ACKR3: variants seen among roughly 807,000 people sequenced by gnomAD.
ACKR3 encodes C-X-C chemokine receptor type 7.
Under a neutral mutation model 22.4 loss-of-function variants are expected in ACKR3, and 6 were observed. That is an observed-to-expected ratio of 0.27 (90% CI 0.15 to 0.53). ACKR3 has a LOEUF of 0.53. Ranked by LOEUF, ACKR3 falls within the 20% of genes least tolerant of loss-of-function variation. The probability of loss-of-function intolerance (pLI) is 0.96; values close to 1 mark genes in which losing one functional copy is unlikely to be tolerated. For synonymous variants in ACKR3, 209 were observed against 205.2 expected, an observed-to-expected ratio of 1.02 and a Z score of -0.16; for missense variants, 396 against 475.2, an observed-to-expected ratio of 0.83 and a Z score of 1.55.
chr2:236,562,331 T>C, the ACKR3 span, among the ~76,000 whole-genome samples: 1 of 152,310 alleles, frequency 6.6e-6, no homozygotes, highest in Non-Finnish European at 1.5e-5. Flanking sequence ...CGTACATATG[T>C]TGGATTTGCT....
the ACKR3 span, among the ~76,000 whole-genome samples, chr2:236,555,157 G>T: frequency 6.6e-6 from 1 of 151,856 alleles, no homozygotes; most frequent in South Asian, 2.1e-4. Flanking sequence ...AAATAATGAG[G>T]TCTCACCTGA....
chr2:236,570,656 G>A (rs919360258), intron 1 of ACKR3, among the ~76,000 whole-genome samples: 16 of 152,142 alleles, frequency 1.1e-4, no homozygotes, highest in Non-Finnish European at 1.9e-4. Context: ...CTACTATTTT[G>A]CAATTTAAAT....
chr2:236,540,963 C>T, the ACKR3 span, among the ~76,000 whole-genome samples: 1 of 152,184 alleles, frequency 6.6e-6, no homozygotes, highest in Non-Finnish European at 1.5e-5. Flanking sequence ...CTGGCAGAAT[C>T]CAAGCCAAGA....
the ACKR3 span, among the ~76,000 whole-genome samples, chr2:236,539,023 A>G: frequency 1.3e-5 from 2 of 152,146 alleles, no homozygotes; most frequent in African/African-American, 2.4e-5. Context: ...ATGATGCAGT[A>G]TGCCTTCTTT....
chr2:236,579,560 C>G (rs1484855344), intron 1 of ACKR3, among the ~76,000 whole-genome samples: 2 of 152,178 alleles, frequency 1.3e-5, no homozygotes, highest in African/African-American at 2.4e-5. Context: ...GAGTGTTGGT[C>G]TCACCTCAGG....
the ACKR3 span, among the ~76,000 whole-genome samples, chr2:236,551,978 T>C: frequency 6.6e-6 from 1 of 152,148 alleles, no homozygotes; most frequent in South Asian, 2.1e-4. Flanking sequence ...CCTCGTGGCT[T>C]GGTGACCCTC....
At chr2:236,556,059 G>T in the ACKR3 span, among the ~76,000 whole-genome samples, 1 of 152,182 alleles carries the variant, frequency 6.6e-6, no homozygotes, top group Non-Finnish European at 1.5e-5. Flanking sequence ...GGCTCAGAGT[G>T]GGGTGAGGAG....
In ACKR3 at chr2:236,581,773, C is replaced by T. The variant is rs1267679905; in HGVS notation, c.*219C>T. 9 of 552,976 alleles carry T rather than the reference C, an allele frequency of 1.6e-5. No individual in the cohort carries two copies. Among genetic ancestry groups the T allele is most frequent in the East Asian group, 6.4e-5 (2 of 31,208 alleles). 34.3% of individuals were successfully genotyped at this position (552,976 alleles called of 1,614,324 possible). On this transcript the variant is annotated 3_prime_UTR_variant, in exon 2 of 2. Coordinates refer to ENST00000272928, the MANE Select transcript of ACKR3 (RefSeq NM_020311.3). The surrounding 1 kb of genome is among the most constrained non-coding windows in gnomAD (Gnocchi z 4.4). Reference sequence around the variant, plus strand: ...AGTTTTGCAACAGGCAGAGCTGTGTCGCACAGCAGTGCTGTGCGTCAGAGC... The same window carrying T: ...AGTTTTGCAACAGGCAGAGCTGTGTTGCACAGCAGTGCTGTGCGTCAGAGC...
upstream of ACKR3, among the ~76,000 whole-genome samples, chr2:236,563,446 A>G (rs756433220): frequency 6.6e-6 from 1 of 152,104 alleles, no homozygotes; most frequent in Admixed American, 6.5e-5. Flanking sequence ...CCACGAAAAA[A>G]TAGGATAAGA....
At chr2:236,558,451 T>A in the ACKR3 span, among the ~76,000 whole-genome samples, 1 of 152,164 alleles carries the variant, frequency 6.6e-6, no homozygotes, top group Non-Finnish European at 1.5e-5. Context: ...TTTTTCTAGT[T>A]TTGGCCTGTT....
chr2:236,538,133 T>C, the ACKR3 span, among the ~76,000 whole-genome samples: 2 of 152,164 alleles, frequency 1.3e-5, 1 homozygote, highest in South Asian at 4.1e-4. Flanking sequence ...GCCAGATCCT[T>C]TCCTTGGGCA....
upstream of ACKR3, among the ~76,000 whole-genome samples, chr2:236,566,960 TTC>T (rs1310058001): frequency 7.3e-5 from 11 of 150,854 alleles, no homozygotes; most frequent in Middle Eastern, 3.2e-3. Flanking sequence ...CCTTCCTTCC[TTC>T]CTTCCTTCTT....
chr2:236,581,482 G>T lies in ACKR3; in HGVS notation c.1017G>T (p.Gly339=), dbSNP rs747606252. ...AFIFKYSAKT[G]LTKLIDASRV... ...TCTTCAAGTACTCGGCCAAAACAGG[G>T]CTCACCAAGCTCATCGATGCCTCCA... Residue 339 remains glycine (G), a synonymous_variant, in exon 2 of 2, where the codon GGG becomes GGT. Coordinates refer to ENST00000272928, the MANE Select transcript of ACKR3 (RefSeq NM_020311.3). The surrounding 1 kb of genome is among the most constrained non-coding windows in gnomAD (Gnocchi z 4.4). The T allele has an allele frequency of 3.1e-6, 5 of 1,614,186 alleles. No individual in the cohort carries two copies. The Admixed American group carries it at 8.3e-5, about 27-fold the overall frequency.
rs1691502599 is a variant in ACKR3 at position 236,580,657 on chromosome 2, G to A, written c.192G>A (p.Val64=). 1.2e-6 allele frequency: 2 copies of A among 1,614,076 alleles called. No individual in the cohort carries two copies. The highest frequency in any genetic ancestry group is 8.5e-7 in the Non-Finnish European group (1 of 1,179,988). The change falls in exon 2 of 2, where the codon GTG becomes GTA. Residue 64 remains valine (V), a synonymous_variant. Transcript: ENST00000272928. The part of the protein sequence containing the change: ...IFVIGMIANS[V]VVWVNIQAKT... ...TCATCGGCATGATTGCCAACTCCGT[G>A]GTGGTCTGGGTGAATATCCAGGCCA... is the stretch of plus-strand genomic sequence containing the variant.
Position 236,571,315 on chromosome 2 carries a change from G to A in ACKR3, c.-27+1391G>A, listed in dbSNP as rs970627190. Among the ~76,000 whole-genome samples, 5 of 152,276 alleles carry A rather than the reference G, an allele frequency of 3.3e-5. No individual in the cohort carries two copies. The South Asian group carries it at 1.0e-3, about 32-fold the overall frequency. On this transcript the variant is annotated intron_variant, in intron 1 of 1. Coordinates refer to ENST00000272928, the MANE Select transcript of ACKR3 (RefSeq NM_020311.3). ...TGTGCACACAACTGCAGAGCTTAAT[G>A]CCACAACCTCCAGGAGATTGGGGGG...
chr2:236,570,779 C>CT (rs1271944344), intron 1 of ACKR3, among the ~76,000 whole-genome samples: 4 of 152,332 alleles, frequency 2.6e-5, no homozygotes, highest in African/African-American at 9.6e-5. Flanking sequence ...TTAGCCAAGA[C>CT]TTGTAACTTC....
chr2:236,566,949 G>T (rs561997835), upstream of ACKR3, among the ~76,000 whole-genome samples: 77 of 135,276 alleles, frequency 5.7e-4, no homozygotes, highest in East Asian at 1.1e-3. Context: ...CTGCCTGCCT[G>T]CCTTCCTTCC....
At chr2:236,559,815 G>A in the ACKR3 span, among the ~76,000 whole-genome samples, 3 of 152,124 alleles carry the variant, frequency 2.0e-5, no homozygotes, top group Admixed American at 1.3e-4. Flanking sequence ...CCGTCACATG[G>A]TGTTTTTGTC....
chr2:236,539,309 T>TC, the ACKR3 span, among the ~76,000 whole-genome samples: 1 of 125,806 alleles, frequency 7.9e-6, no homozygotes, highest in African/African-American at 3.9e-5. Flanking sequence ...TTCTTTTCTT[T>TC]TTTTTTTTTT....
Sources: allele counts gnomAD v4.1 joint callset (sites outside exome capture counted in the v4.1 genomes callset), GRCh38; gene constraint gnomAD v4.1.1; non-coding constraint Gnocchi (gnomAD v3.1); transcripts MANE v1.5; gene names NCBI Gene and HGNC (gene_info 2026-07-23, HGNC 2026-07-21).